LRFN5: variants seen among roughly 807,000 people sequenced by gnomAD.
LRFN5 encodes leucine rich repeat and fibronectin type III domain containing 5, also known as leucine-rich repeat and fibronectin type-III domain-containing protein 5.
Under a neutral mutation model 45.6 loss-of-function variants are expected in LRFN5, and 24 were observed. The observed-to-expected ratio is 0.53, with a 90% confidence interval of 0.38 to 0.74. The LOEUF is 0.74. Ranked by LOEUF, LRFN5 falls within the 30% of genes least tolerant of loss-of-function variation. The pLI, the probability that LRFN5 is intolerant of heterozygous loss-of-function variation, is 0.00. For synonymous variants in LRFN5, 340 were observed against 313.8 expected (o/e 1.08, Z -0.88); for missense variants, 776 against 861.5 (o/e 0.90, Z 1.24).
intron 1 of LRFN5, among the ~76,000 whole-genome samples, chr14:41,716,559 G>T (rs1363957243): frequency 1.3e-5 from 2 of 152,126 alleles, no homozygotes; most frequent in Non-Finnish European, 2.9e-5. Context: ...CATAGCAAGA[G>T]TCACCCTTAT....
At chr14:41,688,192 G>A (rs1882206464) in intron 1 of LRFN5, among the ~76,000 whole-genome samples, 1 of 152,124 alleles carries the variant, frequency 6.6e-6, no homozygotes, top group Non-Finnish European at 1.5e-5. Flanking sequence ...GTGGGTATGC[G>A]GGGATGCTTT....
At chr14:41,731,878 T>A (rs1884194959) in intron 1 of LRFN5, 1 of 152,168 alleles carries the variant, frequency 6.6e-6, no homozygotes, top group South Asian at 2.1e-4. Flanking sequence ...AAGGCAAGTT[T>A]GCTTGAAGAT....
chr14:41,880,205 G>A (rs906815720), intron 2 of LRFN5, among the ~76,000 whole-genome samples: 29 of 152,012 alleles, frequency 1.9e-4, no homozygotes, highest in Admixed American at 1.8e-3. Context: ...GGGATTACAG[G>A]TGTGAGCCAC....
At chr14:41,741,546 C>G (rs999675677) in intron 1 of LRFN5, among the ~76,000 whole-genome samples, 1 of 151,594 alleles carries the variant, frequency 6.6e-6, no homozygotes, top group African/African-American at 2.4e-5. Flanking sequence ...AGAATTAATT[C>G]AAAACGGACA....
At chr14:41,828,052 A>G (rs1888355642) in intron 2 of LRFN5, among the ~76,000 whole-genome samples, 1 of 152,038 alleles carries the variant, frequency 6.6e-6, no homozygotes, top group Non-Finnish European at 1.5e-5. Context: ...CAGTAAAAAT[A>G]AGTATGTATT....
At chr14:41,846,228 C>CAG (rs1400858966) in intron 2 of LRFN5, among the ~76,000 whole-genome samples, 1 of 151,666 alleles carries the variant, frequency 6.6e-6, no homozygotes, top group Non-Finnish European at 1.5e-5. Flanking sequence ...CACACACACA[C>CAG]ACACGCACAC....
At chr14:41,636,178 G>T (rs189456543) in intron 1 of LRFN5, among the ~76,000 whole-genome samples, 239 of 152,260 alleles carry the variant, frequency 1.6e-3, no homozygotes, top group Middle Eastern at 6.8e-3. Context: ...ATGAGTAAGA[G>T]AAATATTTGA....
At chr14:41,721,054 C>T (rs1263071175) in intron 1 of LRFN5, among the ~76,000 whole-genome samples, 1 of 152,040 alleles carries the variant, frequency 6.6e-6, no homozygotes, top group African/African-American at 2.4e-5. Context: ...TTTTATTAAC[C>T]TGGGTGCTCC....
At chr14:41,832,752 G>C (rs868465360) in intron 2 of LRFN5, among the ~76,000 whole-genome samples, 1 of 152,086 alleles carries the variant, frequency 6.6e-6, no homozygotes, top group East Asian at 1.9e-4. Flanking sequence ...TTATCACTCC[G>C]ATAATACCAT....
intron 2 of LRFN5, among the ~76,000 whole-genome samples, chr14:41,866,727 A>G (rs894395479): frequency 1.3e-5 from 2 of 152,128 alleles, no homozygotes; most frequent in African/African-American, 2.4e-5. Flanking sequence ...AAGCTCCTTT[A>G]TAGAGAAAAA....
intron 1 of LRFN5, among the ~76,000 whole-genome samples, chr14:41,718,140 T>A (rs1190850609): frequency 6.6e-6 from 1 of 152,180 alleles, no homozygotes; most frequent in African/African-American, 2.4e-5. Context: ...TTGGCTATGG[T>A]CTTGGCATCT....
chr14:41,753,600 T>G (rs1186032299), intron 1 of LRFN5, among the ~76,000 whole-genome samples: 1 of 152,158 alleles, frequency 6.6e-6, no homozygotes, highest in Admixed American at 6.5e-5. Context: ...TGCTTGTGAT[T>G]TTTGCACATT....
chr14:41,709,789 C>T (rs575204838), intron 1 of LRFN5, among the ~76,000 whole-genome samples: 8 of 151,728 alleles, frequency 5.3e-5, no homozygotes, highest in African/African-American at 1.7e-4. Context: ...AATATTTTGT[C>T]AATAGTAAAA....
chr14:41,851,699 T>C (rs905459025), intron 2 of LRFN5, among the ~76,000 whole-genome samples: 1 of 151,746 alleles, frequency 6.6e-6, no homozygotes, highest in African/African-American at 2.4e-5. Context: ...CATAAACAGG[T>C]TGGGTGGCTT....
intron 2 of LRFN5, among the ~76,000 whole-genome samples, chr14:41,881,584 A>G (rs1890381958): frequency 6.6e-6 from 1 of 151,914 alleles, no homozygotes; most frequent in Non-Finnish European, 1.5e-5. Flanking sequence ...TTTTACTTCT[A>G]CTATTTATTC....
chr14:41,813,021 G>A (rs533780015), intron 2 of LRFN5, among the ~76,000 whole-genome samples: 2 of 152,272 alleles, frequency 1.3e-5, no homozygotes, highest in African/African-American at 4.8e-5. Flanking sequence ...TGAAAGTGAT[G>A]AGAAATAGAT....
intron 2 of LRFN5, among the ~76,000 whole-genome samples, chr14:41,825,037 T>C (rs1344526691): frequency 6.6e-6 from 1 of 152,172 alleles, no homozygotes; most frequent in African/African-American, 2.4e-5. Flanking sequence ...GCCACAGCTA[T>C]CTGCTGCAAT....
At chr14:41,778,238 T>A (rs1449030530) in intron 2 of LRFN5, among the ~76,000 whole-genome samples, 1 of 151,712 alleles carries the variant, frequency 6.6e-6, no homozygotes, top group Non-Finnish European at 1.5e-5. Context: ...AAATGAGCAA[T>A]TAGGCATGTG....
chr14:41,757,296 A>C (rs1429772779), intron 1 of LRFN5, among the ~76,000 whole-genome samples: 1 of 152,178 alleles, frequency 6.6e-6, no homozygotes, highest in East Asian at 1.9e-4. Flanking sequence ...TCAGACAGGG[A>C]CATTTAAGTC....
Sources: gnomAD v4.1 joint callset for allele counts (sites outside exome capture counted in the v4.1 genomes callset) on GRCh38, gnomAD v4.1.1 for gene constraint, MANE v1.5 for transcripts, NCBI Gene and HGNC (gene_info 2026-07-23, HGNC 2026-07-21) for gene names.